Variants in SDK1 observed in about 807,000 individuals in gnomAD.
The protein encoded by SDK1 is protein sidekick-1.
SDK1 carries 157 observed loss-of-function variants against 245.5 expected under a neutral mutation model. The observed-to-expected ratio is 0.64, with a 90% confidence interval of 0.56 to 0.73. The LOEUF (loss-of-function observed/expected upper bound fraction) is 0.73, where lower values mean the gene tolerates loss of function less well. SDK1 is among the 30% of genes least tolerant of loss of function. SDK1 has a pLI of 0.00. For synonymous variants in SDK1, 1,647 were observed against 1,278.5 expected, an observed-to-expected ratio of 1.29 and a Z score of -6.15; for missense variants, 3,583 against 3,002.3, an observed-to-expected ratio of 1.19 and a Z score of -4.52.
chr7:3,377,459 G>A (rs1168496302), intron 1 of SDK1, among the ~76,000 whole-genome samples: 1 of 152,122 alleles, frequency 6.6e-6, no homozygotes, highest in African/African-American at 2.4e-5. Flanking sequence ...TTCCCCGTGG[G>A]GTGCTGTTTG....
At chr7:4,123,835 A>C (rs1159149396) in intron 25 of SDK1, among the ~76,000 whole-genome samples, 1 of 152,220 alleles carries the variant, frequency 6.6e-6, no homozygotes, top group African/African-American at 2.4e-5. Flanking sequence ...TCTAATGTCC[A>C]TGCAGGGAAG....
At chr7:3,439,126 T>C (rs1780119413) in intron 1 of SDK1, among the ~76,000 whole-genome samples, 2 of 152,174 alleles carry the variant, frequency 1.3e-5, no homozygotes, top group East Asian at 3.8e-4. Flanking sequence ...GTGCTGGGAT[T>C]ACAGGTGTGA....
intron 1 of SDK1, among the ~76,000 whole-genome samples, chr7:3,598,001 T>C (rs905592423): frequency 1.3e-5 from 2 of 152,226 alleles, no homozygotes; most frequent in Non-Finnish European, 2.9e-5. Context: ...AATTTTATGA[T>C]AAATTGTAAA....
At chr7:4,251,702 A>G (rs1012248067) in intron 44 of SDK1, among the ~76,000 whole-genome samples, 1 of 152,224 alleles carries the variant, frequency 6.6e-6, no homozygotes, top group Admixed American at 6.5e-5. Flanking sequence ...AAAACATTTT[A>G]TCAATGAAAG....
chr7:3,825,027 T>C (rs1230756204), intron 5 of SDK1, among the ~76,000 whole-genome samples: 2 of 151,994 alleles, frequency 1.3e-5, no homozygotes, highest in Non-Finnish European at 2.9e-5. Flanking sequence ...TGGATCCACT[T>C]TGAAGTTTTA....
At chr7:4,122,717 G>A (rs889102172) in intron 25 of SDK1, among the ~76,000 whole-genome samples, 18 of 152,136 alleles carry the variant, frequency 1.2e-4, no homozygotes, top group African/African-American at 3.6e-4. Flanking sequence ...AAAAATGAAG[G>A]AGAAAAGAAG....
chr7:4,241,088 G>C (rs1346631774), intron 42 of SDK1, among the ~76,000 whole-genome samples: 2 of 152,134 alleles, frequency 1.3e-5, no homozygotes, highest in East Asian at 1.9e-4. Context: ...ATATATTTTA[G>C]AATGTGTTTT....
intron 13 of SDK1, among the ~76,000 whole-genome samples, chr7:3,979,835 G>T (rs1472474094): frequency 6.6e-6 from 1 of 152,188 alleles, no homozygotes; most frequent in African/African-American, 2.4e-5. Flanking sequence ...AGGCCTTATG[G>T]ATTGATTAAT....
At chr7:3,481,724 C>G (rs1306606458) in intron 1 of SDK1, among the ~76,000 whole-genome samples, 1 of 152,206 alleles carries the variant, frequency 6.6e-6, no homozygotes, top group Non-Finnish European at 1.5e-5. Flanking sequence ...TTTCTGCTTC[C>G]CTGCTCTTAT....
intron 5 of SDK1, among the ~76,000 whole-genome samples, chr7:3,891,614 A>G (rs1270894267): frequency 6.6e-6 from 1 of 152,108 alleles, no homozygotes; most frequent in East Asian, 1.9e-4. Context: ...CTCTAAACTC[A>G]ATTCCAAGTA....
chr7:4,046,221 C>T (rs923135310), intron 17 of SDK1, among the ~76,000 whole-genome samples: 2 of 152,118 alleles, frequency 1.3e-5, no homozygotes, highest in African/African-American at 2.4e-5. Context: ...GCATTCCAGC[C>T]GTGAGCCATG....
At chr7:3,908,147 A>C (rs553265541) in intron 5 of SDK1, among the ~76,000 whole-genome samples, 1 of 152,268 alleles carries the variant, frequency 6.6e-6, no homozygotes, top group African/African-American at 2.4e-5. Flanking sequence ...TTAACCCTGG[A>C]GTAACGTGCT....
chr7:3,702,841 C>T (rs958815860), intron 4 of SDK1, among the ~76,000 whole-genome samples: 1 of 152,088 alleles, frequency 6.6e-6, no homozygotes, highest in Non-Finnish European at 1.5e-5. Flanking sequence ...ATGACAAAAA[C>T]ATGAAAAAGA....
At chr7:3,421,892 A>G (rs995243748) in intron 1 of SDK1, among the ~76,000 whole-genome samples, 6 of 152,146 alleles carry the variant, frequency 3.9e-5, no homozygotes, top group Non-Finnish European at 5.9e-5. Flanking sequence ...AAAGTGGGCC[A>G]GATGCAGTGG....
intron 4 of SDK1, among the ~76,000 whole-genome samples, chr7:3,702,961 T>A (rs1234149630): frequency 6.6e-6 from 1 of 151,624 alleles, no homozygotes; most frequent in African/African-American, 2.4e-5. Flanking sequence ...GCAAAGAAAT[T>A]GGATGTTTCA....
rs1049853660 is a variant in SDK1, at chr7:4,244,816, G to C, written c.6252-860G>C. 3.3e-5 allele frequency among the ~76,000 whole-genome samples: 5 copies of C among 152,308 alleles called. No homozygotes were observed. The East Asian group carries it at 9.7e-4, about 29-fold the overall frequency. On this transcript the variant is annotated intron_variant, in intron 43 of 44. Transcript: ENST00000404826. ...TGCATTTCCTTGTGGCCGCATGACTGAGGGCCCCAGCCTCTTCTTGGCCCT... is the reference window on the plus strand; with the variant it reads ...TGCATTTCCTTGTGGCCGCATGACTCAGGGCCCCAGCCTCTTCTTGGCCCT...
At chr7:4,092,557 A>G (rs1584103384) in intron 22 of SDK1, among the ~76,000 whole-genome samples, 1 of 151,654 alleles carries the variant, frequency 6.6e-6, no homozygotes, top group African/African-American at 2.4e-5. Flanking sequence ...CTGTAGGGAG[A>G]CTCCAGGGCT....
At chr7:4,254,906 C>T (rs1787535355) in intron 44 of SDK1, among the ~76,000 whole-genome samples, 1 of 151,266 alleles carries the variant, frequency 6.6e-6, no homozygotes, top group African/African-American at 2.5e-5. Context: ...GCTGGGCTCC[C>T]TTTGCCTGTC....
intron 4 of SDK1, among the ~76,000 whole-genome samples, chr7:3,774,083 C>T (rs990499310): frequency 2.0e-5 from 3 of 151,904 alleles, no homozygotes; most frequent in Non-Finnish European, 2.9e-5. Context: ...GGCATGGTGG[C>T]GGGTGCCTGT....
Sources: gnomAD v4.1 joint callset for allele counts (sites outside exome capture counted in the v4.1 genomes callset) on GRCh38, gnomAD v4.1.1 for gene constraint, MANE v1.5 for transcripts, NCBI Gene and HGNC (gene_info 2026-07-23, HGNC 2026-07-21) for gene names.